The following WDR6 variants were observed in gnomAD, a reference collection of about 807,000 sequenced individuals.
WDR6 encodes the protein WD repeat domain 6, also known as tRNA (34-2'-O)-methyltransferase regulator WDR6.
WDR6 carries 58 observed loss-of-function variants against 85.6 expected under a neutral mutation model. The ratio of observed to expected loss-of-function variants is 0.68; its 90% confidence interval spans 0.55 to 0.84. The LOEUF (loss-of-function observed/expected upper bound fraction) is 0.84, where lower values mean the gene tolerates loss of function less well. Ranked by LOEUF, WDR6 falls within the 40% of genes least tolerant of loss-of-function variation. WDR6 has a pLI of 0.00. For missense variants in WDR6, 1,310 were observed against 1,476.4 expected, an observed-to-expected ratio of 0.89 and a Z score of 1.85; for synonymous variants, 569 against 582.2, an observed-to-expected ratio of 0.98 and a Z score of 0.33.
rs775213184 is a variant in WDR6 at position 49,012,873 on chromosome 3, G to A, written c.1339G>A (p.Gly447Ser). The A allele has an allele frequency of 1.3e-5, 21 of 1,613,584 alleles. No homozygotes were observed. In the Admixed American group the frequency reaches 3.5e-4, roughly 27 times the overall value. The change falls in exon 2 of 6, where the codon GGT (glycine) becomes AGT (serine). Residue 447 changes from glycine to serine, a missense_variant. Transcript: ENST00000608424. This position sits in a 1 kb window ranked among gnomAD's most constrained non-coding sequence, Gnocchi z 4.4. The part of the protein sequence containing the change: ...KVHSLSWALR[G>S]YEELLLLASG... The stretch of plus-strand genomic sequence containing the variant: ...GCACAGCTTGAGCTGGGCCCTGCGT[G>A]GTTATGAGGAGCTCCTGTTGCTGGC...
Position 49,011,946 on chromosome 3 carries a change from G to C in WDR6, c.412G>C (p.Val138Leu), listed in dbSNP as rs140642174. ...AGCCTTGGCCCTGGGCCACAACTCA[G>C]TGGTGCTATATGACCCTGTAGTAGG... ...NIALALGHNS[V>L]VLYDPVVGCI... The change falls in exon 2 of 6, where the codon GTG becomes CTG. Residue 138 changes from valine (V) to leucine (L), a missense_variant. Physicochemically the swap from Val to Leu is conservative, Grantham distance 32. Coordinates refer to ENST00000608424, the MANE Select transcript of WDR6 (RefSeq NM_018031.6). The C allele has an allele frequency of 1.2e-6, 2 of 1,614,116 alleles. No individual in the cohort carries two copies. The highest frequency in any genetic ancestry group is 1.7e-6 in the Non-Finnish European group (2 of 1,180,056).
Position 49,011,956 on chromosome 3 carries a change from A to G in WDR6, c.422A>G (p.Tyr141Cys), listed in dbSNP as rs1296336090. The change falls in exon 2 of 6, where the codon TAT (tyrosine) becomes TGT (cysteine). Residue 141 changes from tyrosine to cysteine, a missense_variant. Transcript: ENST00000608424. ...CTGGGCCACAACTCAGTGGTGCTAT[A>G]TGACCCTGTAGTAGGGTGCATCCTG... ...LALGHNSVVL[Y>C]DPVVGCILQE... 2 of 1,614,202 alleles carry G rather than the reference A, an allele frequency of 1.2e-6. No homozygotes were observed. Among genetic ancestry groups the G allele is most frequent in the African/African-American group, 1.3e-5 (1 of 75,052 alleles).
rs1160832608 is a variant in WDR6 at position 49,011,698 on chromosome 3, G to A, written c.164G>A (p.Arg55Gln). ...GGTGGGCATCTGCGGATGATAAAGC[G>A]AGTGCAGAACCTGCTTGGCCACTAT... ...DFGGHLRMIK[R>Q]VQNLLGHYLI... The change falls in exon 2 of 6, where the codon CGA (arginine) becomes CAA (glutamine). Residue 55 changes from arginine (R) to glutamine (Q), a missense_variant. By Grantham distance (43) the Arg-to-Gln change is conservative. Transcript: ENST00000608424. 3.7e-6 allele frequency: 6 copies of A among 1,614,070 alleles called. No homozygotes were observed. The highest frequency in any genetic ancestry group is 2.7e-5 in the African/African-American group (2 of 74,908).
Position 49,012,934 on chromosome 3 carries a change from T to C in WDR6, c.1400T>C (p.Ile467Thr). 4 of 1,613,898 alleles carry C rather than the reference T, an allele frequency of 2.5e-6. No homozygotes were observed. Among genetic ancestry groups the C allele is most frequent in the African/African-American group, 1.3e-5 (1 of 74,950 alleles). ...GPGGVVACLE[I>T]SAAPSGKAIF... Reference sequence around the variant, plus strand: ...GGCGGGGTAGTAGCTTGCCTAGAGATCTCAGCCGCACCCTCTGGCAAGGCC... The same window carrying C: ...GGCGGGGTAGTAGCTTGCCTAGAGACCTCAGCCGCACCCTCTGGCAAGGCC... Residue 467 changes from isoleucine (I) to threonine (T), a missense_variant, in exon 2 of 6, where the codon ATC (isoleucine) becomes ACC (threonine). By Grantham distance (89) the Ile-to-Thr change is moderately conservative. Coordinates refer to ENST00000608424, the MANE Select transcript of WDR6 (RefSeq NM_018031.6). This position sits in a 1 kb window ranked among gnomAD's most constrained non-coding sequence, Gnocchi z 4.4.
At chr3:49,008,089 G>A (rs2092994463) in intron 1 of WDR6, 1 of 152,460 alleles carries the variant, frequency 6.6e-6, no homozygotes, top group Non-Finnish European at 1.5e-5. Context: ...CTCTGAGGAG[G>A]GTGGCGTCGC....
At position 49,014,405 on chromosome 3, in the gene WDR6, G is replaced by C. The variant is rs200458613; in HGVS notation, c.2689G>C (p.Gly897Arg). The change falls in exon 4 of 6, where the codon GGG (glycine) becomes CGG (arginine). Residue 897 changes from glycine to arginine, a missense_variant. Physicochemically the swap from Gly to Arg is moderately radical, Grantham distance 125. Coordinates refer to ENST00000608424, the MANE Select transcript of WDR6 (RefSeq NM_018031.6). This position sits in a 1 kb window ranked among gnomAD's most constrained non-coding sequence, Gnocchi z 4.9. ...CAGGCTCTTTCTTTTGCAGGATTCT[G>C]GGCGGATTCTGCAGCTCCTTGCTGA... ...AVRLFLLQDS[G>R]RILQLLAETF... 2.5e-6 allele frequency: 4 copies of C among 1,613,982 alleles called. No homozygotes were observed. Among genetic ancestry groups the C allele is most frequent in the Non-Finnish European group, 3.4e-6 (4 of 1,180,022 alleles).
rs773770170 is a variant in WDR6 at position 49,012,987 on chromosome 3, C to G, written c.1453C>G (p.Leu485Val). The part of the protein sequence containing the change: ...AIFVKERCRY[L>V]LPPSKQRWHT... ...CTTTGTCAAGGAACGTTGTCGGTAC[C>G]TGCTGCCCCCAAGCAAGCAGAGATG... The change falls in exon 2 of 6, where the codon CTG becomes GTG. Residue 485 changes from leucine (L) to valine (V), a missense_variant. Coordinates refer to ENST00000608424, the MANE Select transcript of WDR6 (RefSeq NM_018031.6). The surrounding 1 kb of genome is among the most constrained non-coding windows in gnomAD (Gnocchi z 4.4). 45 of 1,613,792 alleles carry G rather than the reference C, an allele frequency of 2.8e-5. No individual in the cohort carries two copies. Among genetic ancestry groups the G allele is most frequent in the Non-Finnish European group, 3.6e-5 (43 of 1,179,962 alleles).
chr3:49,015,190 G>A lies in WDR6; in HGVS notation c.3268G>A (p.Asp1090Asn). The A allele has an allele frequency of 6.2e-7, 1 of 1,613,868 alleles. No homozygotes were observed. Among genetic ancestry groups the A allele is most frequent in the African/African-American group, 1.3e-5 (1 of 75,068 alleles). The change falls in exon 6 of 6, where the codon GAT becomes AAT. Residue 1090 changes from aspartate to asparagine, a missense_variant. Asp to Asn is a conservative substitution (Grantham distance 23, BLOSUM62 1). Transcript: ENST00000608424. ...GAATAGCACTGTGTTCCATGTGCCT[G>A]ATGTGGCTGACATGGACTGCTGGCC... Reference protein sequence around the residue: ...FMNSTVFHVPDVADMDCWPVS... With the variant: ...FMNSTVFHVPNVADMDCWPVS...
chr3:49,015,674 C>G lies in WDR6; in HGVS notation c.*386C>G, dbSNP rs1426707920. 1 of 1,613,914 alleles carries G rather than the reference C, an allele frequency of 6.2e-7. No individual in the cohort carries two copies. Among genetic ancestry groups the G allele is most frequent in the Non-Finnish European group, 8.5e-7 (1 of 1,180,014 alleles). On this transcript the variant is annotated 3_prime_UTR_variant, in exon 6 of 6. Coordinates refer to ENST00000608424, the MANE Select transcript of WDR6 (RefSeq NM_018031.6). ...ACAGCTCTCAGAAGCTGCAGGCGGA[C>G]GAACATCTGACCAAAGAGGTGTGGT...
chr3:49,012,651 C>T lies in WDR6; in HGVS notation c.1117C>T (p.Leu373Phe). 1 of 1,614,080 alleles carries T rather than the reference C, an allele frequency of 6.2e-7. No individual in the cohort carries two copies. The highest frequency in any genetic ancestry group is 8.5e-7 in the Non-Finnish European group (1 of 1,179,998). Reference protein sequence around the residue: ...LAVTDTGALYLYDVEVKCWEQ... With the variant: ...LAVTDTGALYFYDVEVKCWEQ... ...AGTGACTGATACAGGGGCCCTGTAT[C>T]TCTATGACGTCGAGGTCAAGTGCTG... The change falls in exon 2 of 6, where the codon CTC becomes TTC. Residue 373 changes from leucine (L) to phenylalanine (F), a missense_variant. By Grantham distance (22) the Leu-to-Phe change is conservative. Transcript: ENST00000608424. The surrounding 1 kb of genome is among the most constrained non-coding windows in gnomAD (Gnocchi z 4.4).
chr3:49,010,804 C>T (rs766276851), intron 1 of WDR6, among the ~76,000 whole-genome samples: 30 of 148,778 alleles, frequency 2.0e-4, no homozygotes, highest in East Asian at 1.2e-3. Context: ...GAGCTGAGAT[C>T]GTGCCACTGC....
Position 49,013,465 on chromosome 3 carries a change from C to T in WDR6, c.1931C>T (p.Ser644Leu), listed in dbSNP as rs774342458. Residue 644 changes from serine to leucine, a missense_variant, in exon 2 of 6, where the codon TCA becomes TTA. Physicochemically the swap from Ser to Leu is moderately radical, Grantham distance 145. Coordinates refer to ENST00000608424, the MANE Select transcript of WDR6 (RefSeq NM_018031.6). The surrounding 1 kb of genome is among the most constrained non-coding windows in gnomAD (Gnocchi z 4.6). ...GAGTTTGTGGTGTGGAACCCTCGGT[C>T]ACACGAGAAGCTGCACATCGTCAAC... ...ANEFVVWNPR[S>L]HEKLHIVNCG... The T allele has an allele frequency of 4.3e-6, 7 of 1,614,032 alleles. No individual in the cohort carries two copies. Among genetic ancestry groups the T allele is most frequent in the Non-Finnish European group, 5.9e-6 (7 of 1,180,036 alleles).
In WDR6 at chr3:49,007,431, C is replaced by T. The variant is rs2092989109; in HGVS notation, c.-1C>T. 6.2e-7 allele frequency: 1 copy of T among 1,610,770 alleles called. No homozygotes were observed. Among genetic ancestry groups the T allele is most frequent in the South Asian group, 1.1e-5 (1 of 90,388 alleles). ...GCTGCCTCAGCACCTCGAGGATCGACATGGACGCTCTCGAGGACTACGTTT... is the reference window on the plus strand; with the variant it reads ...GCTGCCTCAGCACCTCGAGGATCGATATGGACGCTCTCGAGGACTACGTTT... On this transcript the variant is annotated 5_prime_UTR_variant, in exon 1 of 6. Coordinates refer to ENST00000608424, the MANE Select transcript of WDR6 (RefSeq NM_018031.6). The surrounding 1 kb of genome is among the most constrained non-coding windows in gnomAD (Gnocchi z 5.1).
chr3:49,011,474 C>G, intron 1 of WDR6, 161 bp from the exon 2 acceptor site: 2 of 1,598,608 alleles, frequency 1.3e-6, no homozygotes, highest in East Asian at 2.2e-5. Context: ...GCCACCGCAC[C>G]CGGCCGAGAC....
Position 49,007,594 on chromosome 3 carries a change from G to A in WDR6, c.100+63G>A, listed in dbSNP as rs538119722. 70 of 1,514,162 alleles carry A rather than the reference G, an allele frequency of 4.6e-5. No individual in the cohort carries two copies. In the East Asian group the frequency reaches 1.5e-3, roughly 33 times the overall value. The allele number at this position is 1,514,162 out of a possible 1,614,324, so 93.8% of individuals were successfully genotyped here. A position where few individuals can be genotyped will look rare whatever the true frequency, so the allele number is the denominator to read the frequency against. ...GAAAGAAACAGCGCCTCCCAGGGGC[G>A]GTGCCACAGGGACAAAAGGGGTGCC... On this transcript the variant is annotated intron_variant, in intron 1 of 5. Coordinates refer to ENST00000608424, the MANE Select transcript of WDR6 (RefSeq NM_018031.6). The surrounding 1 kb of genome is among the most constrained non-coding windows in gnomAD (Gnocchi z 5.1).
intron 1 of WDR6, among the ~76,000 whole-genome samples, chr3:49,009,835 C>A (rs2093005106): frequency 6.6e-6 from 1 of 151,808 alleles, no homozygotes; most frequent in Non-Finnish European, 1.5e-5. Flanking sequence ...TCAAGAGATC[C>A]TCTCACCTCA....
Position 49,015,213 on chromosome 3 carries a change from GCCTGTGAGC to G in WDR6, c.3296_3304del (p.Val1099_Pro1101del), listed in dbSNP as rs1389721658. 6.2e-7 allele frequency: 1 copy of G among 1,613,638 alleles called. No homozygotes were observed. Among genetic ancestry groups the G allele is most frequent in the African/African-American group, 1.3e-5 (1 of 74,936 alleles). On this transcript the variant is annotated inframe_deletion, in exon 6 of 6. Coordinates refer to ENST00000608424, the MANE Select transcript of WDR6 (RefSeq NM_018031.6). ...CTGATGTGGCTGACATGGACTGCTGGCCTGTGAGCCCTGAGTTTGGCCACCGTTGTGCCC... is the reference window on the plus strand; with the variant it reads ...CTGATGTGGCTGACATGGACTGCTGGCCTGAGTTTGGCCACCGTTGTGCCC...
Position 49,012,231 on chromosome 3 carries a change from G to A in WDR6, c.697G>A (p.Val233Ile), listed in dbSNP as rs190640692. ...GGCTACAGCTTCAGAAGACCGAAGC[G>A]TTCGTATCTGGAAGGTGGGCGACCT... is the stretch of plus-strand genomic sequence containing the variant. ...LLATASEDRS[V>I]RIWKVGDLRV... Residue 233 changes from valine to isoleucine, a missense_variant, in exon 2 of 6, where the codon GTT (valine) becomes ATT (isoleucine). Coordinates refer to ENST00000608424, the MANE Select transcript of WDR6 (RefSeq NM_018031.6). This position sits in a 1 kb window ranked among gnomAD's most constrained non-coding sequence, Gnocchi z 4.4. 4.3e-5 allele frequency: 69 copies of A among 1,614,144 alleles called. 2 individuals carry two copies. The Middle Eastern group carries it at 4.9e-3, about 115-fold the overall frequency.
rs1345043086 is a variant in WDR6 at position 49,013,529 on chromosome 3, T to C, written c.1995T>C (p.Thr665=). ...ACCGTTCGTGGGCATTCTCTGATAC[T>C]GAGGCGGCCATGGCCTTTGCTTACC... ...GGHRSWAFSD[T]EAAMAFAYLK... is the part of the protein sequence containing the mutation. Residue 665 remains threonine (T), a synonymous_variant, in exon 2 of 6, where the codon ACT becomes ACC. Transcript: ENST00000608424. This position sits in a 1 kb window ranked among gnomAD's most constrained non-coding sequence, Gnocchi z 4.6. 1 of 1,614,046 alleles carries C rather than the reference T, an allele frequency of 6.2e-7. No individual in the cohort carries two copies. Among genetic ancestry groups the C allele is most frequent in the Admixed American group, 1.7e-5 (1 of 60,028 alleles).
Sources: gnomAD v4.1 joint callset for allele counts (sites outside exome capture counted in the v4.1 genomes callset) on GRCh38, gnomAD v4.1.1 for gene constraint, Gnocchi (gnomAD v3.1) non-coding constraint, MANE v1.5 for transcripts, NCBI Gene and HGNC (gene_info 2026-07-23, HGNC 2026-07-21) for gene names.